ARHGAP42: variants seen among roughly 807,000 people sequenced by gnomAD.
ARHGAP42 encodes the protein Rho GTPase activating protein 42, also known as rho GTPase-activating protein 42.
A neutral mutation model predicts 125.0 loss-of-function variants in ARHGAP42; 63 were observed. The observed-to-expected ratio is 0.50, with a 90% CI of 0.41 to 0.62. The LOEUF (loss-of-function observed/expected upper bound fraction) is 0.62, where lower values mean the gene tolerates loss of function less well. ARHGAP42 is among the 20% of genes least tolerant of loss of function. The pLI is 0.00. For synonymous variants in ARHGAP42, 339 were observed against 351.0 expected, an observed-to-expected ratio of 0.97 and a Z score of 0.38; for missense variants, 766 against 1,024.2, an observed-to-expected ratio of 0.75 and a Z score of 3.44.
At chr11:100,836,964 A>G (rs1449463207) in intron 3 of ARHGAP42, among the ~76,000 whole-genome samples, 1 of 152,096 alleles carries the variant, frequency 6.6e-6, no homozygotes, top group African/African-American at 2.4e-5. Context: ...TTTTGGAAGC[A>G]TAGAAATAAT....
At chr11:100,826,946 G>A (rs1565230742) in intron 3 of ARHGAP42, among the ~76,000 whole-genome samples, 1 of 151,648 alleles carries the variant, frequency 6.6e-6, no homozygotes, top group East Asian at 1.9e-4. Context: ...GTGGCAACGG[G>A]GAAAGAATTT....
chr11:100,975,887 C>G (rs192795478), intron 19 of ARHGAP42, among the ~76,000 whole-genome samples, 170 bp from the exon 20 acceptor site: 1 of 152,194 alleles, frequency 6.6e-6, no homozygotes, highest in Admixed American at 6.5e-5. Context: ...TATTTTAAAG[C>G]CTTTCTCCAG....
chr11:100,871,102 A>G (rs966237077), intron 4 of ARHGAP42, among the ~76,000 whole-genome samples: 1 of 152,216 alleles, frequency 6.6e-6, no homozygotes, highest in African/African-American at 2.4e-5. Context: ...CCAACATTCT[A>G]TATGTATTAA....
At chr11:100,691,466 G>A (rs1861188494) in intron 1 of ARHGAP42, among the ~76,000 whole-genome samples, 1 of 152,068 alleles carries the variant, frequency 6.6e-6, no homozygotes, top group Admixed American at 6.5e-5. Context: ...CCAAAAAAGA[G>A]ACAAAAAGAG....
chr11:100,761,077 A>G (rs1862691206), intron 1 of ARHGAP42, among the ~76,000 whole-genome samples: 1 of 152,144 alleles, frequency 6.6e-6, no homozygotes, highest in East Asian at 1.9e-4. Context: ...AGTTACTGGG[A>G]AGCTTAGGAA....
At chr11:100,715,225 T>A (rs1043706769) in intron 1 of ARHGAP42, among the ~76,000 whole-genome samples, 2 of 152,144 alleles carry the variant, frequency 1.3e-5, no homozygotes, top group Admixed American at 6.6e-5. Flanking sequence ...GGAAGAAGTA[T>A]TCTGCCTTTG....
chr11:100,836,185 T>C (rs1864782573), intron 3 of ARHGAP42, among the ~76,000 whole-genome samples: 1 of 147,080 alleles, frequency 6.8e-6, no homozygotes, highest in Non-Finnish European at 1.5e-5. Context: ...CAGTTAGTTA[T>C]TAGTAGAGTT....
At chr11:100,725,077 C>T (rs527865917) in intron 1 of ARHGAP42, among the ~76,000 whole-genome samples, 6 of 151,732 alleles carry the variant, frequency 4.0e-5, no homozygotes, top group Middle Eastern at 3.4e-3. Context: ...CCTGTATGTC[C>T]TTTTGAAGTA....
At chr11:100,786,544 T>TA (rs1462963552) in intron 2 of ARHGAP42, among the ~76,000 whole-genome samples, 1 of 152,144 alleles carries the variant, frequency 6.6e-6, no homozygotes, top group African/African-American at 2.4e-5. Context: ...CTAGTATACA[T>TA]ATATGAGTAT....
intron 16 of ARHGAP42, among the ~76,000 whole-genome samples, chr11:100,963,647 C>G (rs1858014473): frequency 6.6e-6 from 1 of 152,188 alleles, no homozygotes; most frequent in African/African-American, 2.4e-5. Flanking sequence ...ATTTAGTTTT[C>G]TCTTGAAGCT....
At chr11:100,708,824 A>G (rs1011239594) in intron 1 of ARHGAP42, among the ~76,000 whole-genome samples, 27 of 152,144 alleles carry the variant, frequency 1.8e-4, no homozygotes, top group African/African-American at 6.3e-4. Flanking sequence ...AACAAACCCT[A>G]TGTGTACTGT....
At chr11:100,862,245 A>G (rs1407480531) in intron 4 of ARHGAP42, among the ~76,000 whole-genome samples, 6 of 152,190 alleles carry the variant, frequency 3.9e-5, no homozygotes, top group African/African-American at 1.4e-4. Flanking sequence ...AAGAGTCAAC[A>G]TGTTCCCCAG....
At chr11:100,784,087 G>A (rs1374391563) in intron 2 of ARHGAP42, among the ~76,000 whole-genome samples, 2 of 152,106 alleles carry the variant, frequency 1.3e-5, no homozygotes, top group Admixed American at 6.6e-5. Flanking sequence ...AAATAGAGGA[G>A]GTTATTTGAA....
intron 1 of ARHGAP42, among the ~76,000 whole-genome samples, chr11:100,755,170 T>C (rs749183769): frequency 6.6e-6 from 1 of 152,140 alleles, no homozygotes; most frequent in Non-Finnish European, 1.5e-5. Context: ...GGTGTAAGAG[T>C]GTGTGTGCAC....
intron 4 of ARHGAP42, among the ~76,000 whole-genome samples, chr11:100,906,261 C>A (rs1157610653): frequency 2.0e-5 from 3 of 152,022 alleles, no homozygotes; most frequent in Middle Eastern, 3.2e-3. Context: ...ATTTTTGAGG[C>A]CTTACACATT....
At chr11:100,780,043 A>AG (rs1344730705) in intron 2 of ARHGAP42, among the ~76,000 whole-genome samples, 8 of 151,818 alleles carry the variant, frequency 5.3e-5, no homozygotes, top group African/African-American at 1.4e-4. Context: ...AAAAAAAAAA[A>AG]CAAGTTTTAA....
intron 4 of ARHGAP42, among the ~76,000 whole-genome samples, chr11:100,883,092 A>G (rs1865999450): frequency 6.6e-6 from 1 of 151,944 alleles, no homozygotes; most frequent in East Asian, 1.9e-4. Context: ...TTCAATTTCA[A>G]AATGATCTTT....
chr11:100,702,367 A>T (rs1376777355), intron 1 of ARHGAP42, among the ~76,000 whole-genome samples: 1 of 152,098 alleles, frequency 6.6e-6, no homozygotes, highest in Non-Finnish European at 1.5e-5. Context: ...GACACTGTTC[A>T]TGGCATCCCA....
At chr11:100,982,914 T>C (rs1175982576) in intron 22 of ARHGAP42, among the ~76,000 whole-genome samples, 4 of 152,196 alleles carry the variant, frequency 2.6e-5, no homozygotes, top group Non-Finnish European at 4.4e-5. Flanking sequence ...ACACATAAGA[T>C]GCAGAAATCA....
Sources: allele counts gnomAD v4.1 joint callset (sites outside exome capture counted in the v4.1 genomes callset), GRCh38; gene constraint gnomAD v4.1.1; transcripts MANE v1.5; gene names NCBI Gene and HGNC (gene_info 2026-07-23, HGNC 2026-07-21).